Variants in AGBL4 observed in about 807,000 individuals in gnomAD.
The protein encoded by AGBL4 is cytosolic carboxypeptidase 6.
Under a neutral mutation model 66.4 loss-of-function variants are expected in AGBL4, and 58 were observed. The ratio of observed to expected loss-of-function variants is 0.87; its 90% confidence interval spans 0.71 to 1.09. The LOEUF is 1.09. AGBL4 is among the 50% of genes least tolerant of loss of function. The pLI, the probability that AGBL4 is intolerant of heterozygous loss-of-function variation, is 0.00. For missense variants in AGBL4, 579 were observed against 631.0 expected (o/e 0.92, Z 0.88); for synonymous variants, 234 against 222.9 (o/e 1.05, Z -0.44).
intron 6 of AGBL4, among the ~76,000 whole-genome samples, chr1:48,722,141 G>T: frequency 1.0e-5 from 1 of 98,880 alleles, no homozygotes; most frequent in Non-Finnish European, 2.1e-5. Context: ...GGGTGGGTGG[G>T]TGGGCATTGG....
chr1:49,051,832 G>C (rs953305476), intron 4 of AGBL4, among the ~76,000 whole-genome samples: 11 of 152,138 alleles, frequency 7.2e-5, no homozygotes, highest in African/African-American at 2.7e-4. Flanking sequence ...CTCTTGGTGA[G>C]TCACAGGGAG....
chr1:49,204,880 T>C (rs1648007171), intron 4 of AGBL4, among the ~76,000 whole-genome samples: 1 of 152,074 alleles, frequency 6.6e-6, no homozygotes, highest in Non-Finnish European at 1.5e-5. Flanking sequence ...GGGACTTATA[T>C]CTGTACAGCT....
At chr1:49,780,441 T>A (rs1035431594) in intron 2 of AGBL4, among the ~76,000 whole-genome samples, 2 of 151,982 alleles carry the variant, frequency 1.3e-5, no homozygotes, top group Non-Finnish European at 2.9e-5. Context: ...ATAAATAAGA[T>A]TCATATAATA....
At chr1:49,632,470 G>T (rs1645589268) in intron 3 of AGBL4, among the ~76,000 whole-genome samples, 1 of 152,140 alleles carries the variant, frequency 6.6e-6, no homozygotes, top group Admixed American at 6.5e-5. Context: ...GGTCCATGTG[G>T]AAAAATTTTG....
chr1:49,673,966 T>A (rs1646531156), intron 3 of AGBL4, among the ~76,000 whole-genome samples: 1 of 151,968 alleles, frequency 6.6e-6, no homozygotes, highest in Admixed American at 6.6e-5. Flanking sequence ...GATGACTGAC[T>A]GAAGATCGCC....
chr1:49,111,848 T>G (rs946359348), intron 4 of AGBL4, among the ~76,000 whole-genome samples: 1 of 152,200 alleles, frequency 6.6e-6, no homozygotes, highest in Non-Finnish European at 1.5e-5. Flanking sequence ...CAATAAACTC[T>G]AGGACCACAA....
chr1:49,910,835 G>A (rs575894126), intron 1 of AGBL4, among the ~76,000 whole-genome samples: 298 of 152,180 alleles, frequency 2.0e-3, no homozygotes, highest in Middle Eastern at 3.4e-3. Flanking sequence ...AATTAGCCGG[G>A]CACGGCGGCA....
intron 3 of AGBL4, among the ~76,000 whole-genome samples, chr1:49,618,465 G>T (rs1645293538): frequency 7.6e-6 from 1 of 132,024 alleles, no homozygotes; most frequent in African/African-American, 2.5e-5. Context: ...CTGAAATTGA[G>T]GCAGTAATTA....
chr1:49,662,039 C>T (rs866561259), intron 3 of AGBL4, among the ~76,000 whole-genome samples: 2 of 151,762 alleles, frequency 1.3e-5, no homozygotes, highest in African/African-American at 4.8e-5. Flanking sequence ...AGTAATCATG[C>T]TGAGTAAAAT....
chr1:48,947,167 G>C (rs1356120674), intron 5 of AGBL4, among the ~76,000 whole-genome samples: 1 of 152,200 alleles, frequency 6.6e-6, no homozygotes, highest in Admixed American at 6.5e-5. Context: ...CACTTTGTCA[G>C]AAAAGCCTTT....
At chr1:50,019,273 C>CTG in intron 1 of AGBL4, among the ~76,000 whole-genome samples, 1 of 56,112 alleles carries the variant, frequency 1.8e-5, no homozygotes, top group South Asian at 8.8e-4. Flanking sequence ...TTCTCTCTCT[C>CTG]TCTCTCTCTC....
intron 4 of AGBL4, among the ~76,000 whole-genome samples, chr1:49,189,964 T>G (rs1647085312): frequency 6.6e-6 from 1 of 152,146 alleles, no homozygotes; most frequent in Non-Finnish European, 1.5e-5. Flanking sequence ...CCTGTTATAA[T>G]AATGCATTCT....
chr1:49,456,973 G>A (rs531548935), intron 3 of AGBL4, among the ~76,000 whole-genome samples: 1 of 151,606 alleles, frequency 6.6e-6, no homozygotes, highest in South Asian at 2.1e-4. Flanking sequence ...TCCACTCATT[G>A]ATTGATGAGC....
chr1:48,732,148 A>C (rs1034966828), intron 6 of AGBL4, among the ~76,000 whole-genome samples: 1 of 152,294 alleles, frequency 6.6e-6, no homozygotes, highest in African/African-American at 2.4e-5. Context: ...GTCAAGGATG[A>C]GACCTGGGTG....
At chr1:49,493,150 A>G (rs747060364) in intron 3 of AGBL4, among the ~76,000 whole-genome samples, 34 of 151,996 alleles carry the variant, frequency 2.2e-4, no homozygotes, top group Non-Finnish European at 1.2e-4. Flanking sequence ...TATGGAAACT[A>G]CAATTCAGGA....
At chr1:48,883,369 T>G (rs953063218) in intron 5 of AGBL4, among the ~76,000 whole-genome samples, 1 of 152,210 alleles carries the variant, frequency 6.6e-6, no homozygotes, top group African/African-American at 2.4e-5. Flanking sequence ...TGTTGATCCC[T>G]TTGCCTGCTA....
chr1:49,568,997 G>A (rs985297986), intron 3 of AGBL4, among the ~76,000 whole-genome samples: 1 of 152,176 alleles, frequency 6.6e-6, no homozygotes, highest in Non-Finnish European at 1.5e-5. Context: ...ATCAACACAT[G>A]AAAGAATTAA....
intron 4 of AGBL4, among the ~76,000 whole-genome samples, chr1:49,225,464 G>A (rs1321743224): frequency 6.6e-6 from 1 of 152,172 alleles, no homozygotes. Context: ...GAACTATGCA[G>A]AGAAGCCATT....
At chr1:48,837,534 T>A (rs1166610577) in intron 6 of AGBL4, among the ~76,000 whole-genome samples, 1 of 151,622 alleles carries the variant, frequency 6.6e-6, no homozygotes, top group East Asian at 1.9e-4. Context: ...CCATGCTGGA[T>A]GCTTCCTGCC....
Sources: allele counts gnomAD v4.1 joint callset (sites outside exome capture counted in the v4.1 genomes callset), GRCh38; gene constraint gnomAD v4.1.1; transcripts MANE v1.5; gene names NCBI Gene and HGNC (gene_info 2026-07-23, HGNC 2026-07-21).